DDX19A: variants seen among roughly 807,000 people sequenced by gnomAD.
DDX19A encodes the protein DEAD-box helicase 19A, also known as ATP-dependent RNA helicase DDX19A.
Under a neutral mutation model 60.6 loss-of-function variants are expected in DDX19A, and 12 were observed. The ratio of observed to expected loss-of-function variants is 0.20; its 90% CI spans 0.13 to 0.32. The LOEUF (loss-of-function observed/expected upper bound fraction) is 0.32. Among genes scored for constraint, DDX19A ranks in the 10% least tolerant of loss-of-function variants. The pLI is 1.00. For missense variants in DDX19A, 337 were observed against 600.6 expected, an observed-to-expected ratio of 0.56 and a Z score of 4.59; for synonymous variants, 206 against 218.2, an observed-to-expected ratio of 0.94 and a Z score of 0.49.
intron 3 of DDX19A, 73 bp downstream of exon 3, chr16:70,355,608 C>G (rs1597526325): frequency 1.7e-6 from 2 of 1,180,690 alleles, no homozygotes; most frequent in East Asian, 2.3e-5. Flanking sequence ...CAGGGGCACT[C>G]CAAGCTACAA....
chr16:70,372,243 T>C lies in DDX19A; in HGVS notation c.*257T>C. On this transcript the variant is annotated 3_prime_UTR_variant, in exon 12 of 12. Transcript: ENST00000302243. ...AAGCCACATTCCCCCATCTTTATAA[T>C]AATCTGGTCACAGTGGTAGTCGCTG... is the stretch of plus-strand genomic sequence containing the variant. 1.7e-6 allele frequency: 1 copy of C among 587,984 alleles called. No homozygotes were observed. Among genetic ancestry groups the C allele is most frequent in the Non-Finnish European group, 3.0e-6 (1 of 334,636 alleles). The allele number at this position is 587,984 out of a possible 1,614,324, so 36.4% of individuals were successfully genotyped here.
At chr16:70,367,631 A>G (rs949717055) in intron 9 of DDX19A, among the ~76,000 whole-genome samples, 2 of 152,158 alleles carry the variant, frequency 1.3e-5, no homozygotes, top group Non-Finnish European at 2.9e-5. Context: ...TAATCCCAGC[A>G]CTTTGGCAGG....
intron 9 of DDX19A, among the ~76,000 whole-genome samples, chr16:70,367,611 C>T (rs1230319711): frequency 6.6e-6 from 1 of 152,116 alleles, no homozygotes; most frequent in Non-Finnish European, 1.5e-5. Flanking sequence ...AGCACGGTGG[C>T]TCATGCCTGT....
Position 70,365,046 on chromosome 16 carries a change from G to T in DDX19A, c.519G>T (p.Leu173=), listed in dbSNP as rs1065163. The part of the protein sequence containing the change: ...QCLCLSPTYE[L]ALQTGKVIEQ... ...TGTGCCTCTCCCCAACATATGAGCT[G>T]GCGCTTCAAACAGGAAAAGTGATTG... Residue 173 remains leucine, a synonymous_variant, in exon 7 of 12, where the codon CTG becomes CTT. Transcript: ENST00000302243. 9 of 1,614,136 alleles carry T rather than the reference G, an allele frequency of 5.6e-6. No individual in the cohort carries two copies. The highest frequency in any genetic ancestry group is 7.6e-6 in the Non-Finnish European group (9 of 1,179,996).
In DDX19A at chr16:70,350,605, G is replaced by T; in HGVS notation, c.106G>T (p.Gly36Cys). ...KEEKVKADTN[G>C]IIKTSTTAEK... The stretch of plus-strand genomic sequence containing the variant: ...AGAGAAAGTCAAAGCAGATACCAAT[G>T]GTGAGTCACTAGTAACTACAAGCTA... The change falls in exon 2 of 12, where the codon GGT becomes TGT. Residue 36 changes from glycine (G) to cysteine (C), a missense_variant and splice_region_variant. Physicochemically the swap from Gly to Cys is radical, Grantham distance 159. Around this residue, in one of 6 missense-constraint regions of DDX19A, gnomAD observed 127 missense variants for 160.3 expected, o/e 0.79. Coordinates refer to ENST00000302243, the MANE Select transcript of DDX19A (RefSeq NM_018332.5). 2 of 1,610,486 alleles carry T rather than the reference G, an allele frequency of 1.2e-6. No individual in the cohort carries two copies. The highest frequency in any genetic ancestry group is 1.7e-6 in the Non-Finnish European group (2 of 1,177,848).
At chr16:70,364,986 C>G in intron 6 of DDX19A, 31 bp from the exon 7 acceptor site, 1 of 1,590,056 alleles carries the variant, frequency 6.3e-7, no homozygotes, top group Non-Finnish European at 8.6e-7. Flanking sequence ...AATGGCTCTC[C>G]TAAACTCATC....
At position 70,372,160 on chromosome 16, in the gene DDX19A, G is replaced by A. The variant is rs1433052962; in HGVS notation, c.*174G>A. On this transcript the variant is annotated 3_prime_UTR_variant, in exon 12 of 12. Transcript: ENST00000302243. ...GACAAAAATAGGTGCAAATGATGGG[G>A]GGCAATAGAAGAAAAAATTTGCATT... is the stretch of plus-strand genomic sequence containing the variant. 1 of 1,102,486 alleles carries A rather than the reference G, an allele frequency of 9.1e-7. No individual in the cohort carries two copies. The highest frequency in any genetic ancestry group is 1.3e-6 in the Non-Finnish European group (1 of 767,118). 68.3% of individuals were successfully genotyped at this position (1,102,486 alleles called of 1,614,324 possible).
At chr16:70,347,234 A>C in intron 1 of DDX19A, 186 bp downstream of exon 1, 3 of 617,028 alleles carry the variant, frequency 4.9e-6, no homozygotes, top group Non-Finnish European at 5.8e-6. Flanking sequence ...TTTTATCTCC[A>C]TCTGGGCTGG....
At chr16:70,364,731 G>A in intron 6 of DDX19A, 86 bp downstream of exon 6, 10 of 1,007,684 alleles carry the variant, frequency 9.9e-6, no homozygotes, top group Non-Finnish European at 1.6e-5. Flanking sequence ...GAGGTCTGAA[G>A]CTTCTGACAC....
At position 70,365,584 on chromosome 16, in the gene DDX19A, G is replaced by C. The variant is rs551306376; in HGVS notation, c.604+453G>C. 5.9e-4 allele frequency: 118 copies of C among 200,420 alleles called. 1 individual carries two copies. In the Middle Eastern group the frequency reaches 0.028, roughly 48 times the overall value. 12.4% of individuals were successfully genotyped at this position (200,420 alleles called of 1,614,324 possible). A position where few individuals can be genotyped will look rare whatever the true frequency, so the allele number is the denominator to read the frequency against. On this transcript the variant is annotated intron_variant, in intron 7 of 11. Transcript: ENST00000302243. ...GGAGGACTGCTTGAGCACATGGTTC[G>C]AGACCAGCCTGGGCAACATAGTAAG...
At chr16:70,356,901 G>T in intron 4 of DDX19A, 1 of 1,258,940 alleles carries the variant, frequency 7.9e-7, no homozygotes, top group Non-Finnish European at 1.0e-6. Flanking sequence ...GAACATTTCT[G>T]ATTAGGTAAG....
intron 2 of DDX19A, among the ~76,000 whole-genome samples, chr16:70,354,143 G>GT (rs572652241): frequency 1.6e-3 from 240 of 146,018 alleles, no homozygotes; most frequent in Non-Finnish European, 2.2e-3. Context: ...TATTTCTGGG[G>GT]TTTTTTTTTT....
chr16:70,353,959 C>T (rs996678812), intron 2 of DDX19A, among the ~76,000 whole-genome samples: 1 of 150,508 alleles, frequency 6.6e-6, no homozygotes, highest in Non-Finnish European at 1.5e-5. Flanking sequence ...AGTGCAGTGG[C>T]TCAAACTCCT....
rs1468509089 is a variant in DDX19A at position 70,356,250 on chromosome 16, G to A, written c.293+3G>A. ...AAGTCGTTTGAAGAGCTTCGGCTGT[G>A]AGTATTCGCTCCTTTCAACAGCTCT... On this transcript the variant is annotated splice_donor_region_variant and intron_variant, in intron 4 of 11. Coordinates refer to ENST00000302243, the MANE Select transcript of DDX19A (RefSeq NM_018332.5). 4 of 1,614,062 alleles carry A rather than the reference G, an allele frequency of 2.5e-6. No individual in the cohort carries two copies. The highest frequency in any genetic ancestry group is 3.4e-6 in the Non-Finnish European group (4 of 1,180,042).
chr16:70,365,923 C>G, intron 7 of DDX19A, 162 bp from the exon 8 acceptor site: 1 of 1,028,228 alleles, frequency 9.7e-7, no homozygotes, highest in Non-Finnish European at 1.4e-6. Flanking sequence ...TCATTCTGCC[C>G]ACTTCACAGC....
chr16:70,358,762 G>C (rs978174015), intron 4 of DDX19A, among the ~76,000 whole-genome samples: 1 of 152,124 alleles, frequency 6.6e-6, no homozygotes, highest in Non-Finnish European at 1.5e-5. Context: ...TAGGAGAATT[G>C]CTTGAACCCA....
chr16:70,362,901 C>T (rs1964411495), intron 5 of DDX19A, among the ~76,000 whole-genome samples: 3 of 151,312 alleles, frequency 2.0e-5, no homozygotes, highest in African/African-American at 7.3e-5. Flanking sequence ...GTAATCCCAG[C>T]TGCTAGGGAG....
intron 5 of DDX19A, 131 bp from the exon 6 acceptor site, chr16:70,364,412 C>A: frequency 3.1e-6 from 2 of 645,430 alleles, no homozygotes; most frequent in South Asian, 4.0e-5. Context: ...GTAATTTGTG[C>A]TCAATGGAGA....
At chr16:70,365,893 AC>A in intron 7 of DDX19A, 191 bp from the exon 8 acceptor site, 1 of 740,282 alleles carries the variant, frequency 1.4e-6, no homozygotes, top group East Asian at 2.7e-5. Flanking sequence ...GATCCTGACC[AC>A]AGTGCACTGA....
Sources: gnomAD v4.1 joint callset for allele counts (sites outside exome capture counted in the v4.1 genomes callset) on GRCh38, gnomAD v4.1.1 for gene constraint, gnomAD v4.1.1 regional missense constraint, MANE v1.5 for transcripts, NCBI Gene and HGNC (gene_info 2026-07-23, HGNC 2026-07-21) for gene names.